Variants in PIP5K1B observed in about 807,000 individuals in gnomAD.
PIP5K1B encodes phosphatidylinositol 4-phosphate 5-kinase type-1 beta.
A neutral mutation model predicts 67.0 loss-of-function variants in PIP5K1B; 42 were observed. The observed-to-expected ratio is 0.63, with a 90% CI of 0.49 to 0.81. PIP5K1B has a LOEUF of 0.81. PIP5K1B is among the 30% of genes least tolerant of loss of function. PIP5K1B has a pLI of 0.00. For missense variants in PIP5K1B, 459 were observed against 646.3 expected, an observed-to-expected ratio of 0.71 and a Z score of 3.14; for synonymous variants, 214 against 231.4, an observed-to-expected ratio of 0.92 and a Z score of 0.68.
chr9:68,997,936 T>C (rs1326370382), intron 15 of PIP5K1B, among the ~76,000 whole-genome samples: 1 of 152,134 alleles, frequency 6.6e-6, no homozygotes, highest in Non-Finnish European at 1.5e-5. Flanking sequence ...GAGTTAGCAA[T>C]TGAATGACAG....
At chr9:68,727,969 A>G (rs1168574878) in intron 1 of PIP5K1B, among the ~76,000 whole-genome samples, 1 of 152,338 alleles carries the variant, frequency 6.6e-6, no homozygotes, top group Non-Finnish European at 1.5e-5. Flanking sequence ...AGCTCTAGGT[A>G]CTAGGACTAT....
At chr9:68,915,527 C>T (rs1455074209) in intron 8 of PIP5K1B, among the ~76,000 whole-genome samples, 1 of 152,118 alleles carries the variant, frequency 6.6e-6, no homozygotes. Flanking sequence ...TGCAGTGAGG[C>T]ACTGATAACA....
chr9:68,727,371 G>A (rs1211825397), intron 1 of PIP5K1B, among the ~76,000 whole-genome samples: 23 of 152,182 alleles, frequency 1.5e-4, no homozygotes, highest in Middle Eastern at 3.4e-3. Flanking sequence ...TTGCACATAC[G>A]TTTCCCTGAA....
At chr9:68,780,810 A>G in intron 2 of PIP5K1B, 1 of 1,614,232 alleles carries the variant, frequency 6.2e-7, no homozygotes, top group Non-Finnish European at 8.5e-7. Context: ...TCAGCCAAAG[A>G]GATTTTTCCA....
chr9:68,842,064 G>A (rs919749289), intron 4 of PIP5K1B, among the ~76,000 whole-genome samples: 1 of 152,216 alleles, frequency 6.6e-6, no homozygotes, highest in African/African-American at 2.4e-5. Context: ...TGGACTCACT[G>A]GGGTGACACC....
chr9:68,854,062 CT>C (rs1822639139), intron 4 of PIP5K1B, among the ~76,000 whole-genome samples: 2 of 149,370 alleles, frequency 1.3e-5, no homozygotes, highest in South Asian at 4.2e-4. Context: ...TTAAGCTGGA[CT>C]GTACATACCA....
intron 15 of PIP5K1B, among the ~76,000 whole-genome samples, chr9:68,991,669 A>G (rs1404761122): frequency 1.3e-5 from 2 of 152,184 alleles, no homozygotes; most frequent in Non-Finnish European, 2.9e-5. Context: ...ACCCAAATTC[A>G]GTGCTGGAGA....
chr9:68,846,523 T>G (rs1822200181), intron 4 of PIP5K1B, among the ~76,000 whole-genome samples: 1 of 152,198 alleles, frequency 6.6e-6, no homozygotes, highest in South Asian at 2.1e-4. Context: ...AAGGAGTGTT[T>G]AGGGCTGGCA....
chr9:68,738,636 G>T (rs2039426), intron 1 of PIP5K1B, among the ~76,000 whole-genome samples: 1 of 152,090 alleles, frequency 6.6e-6, no homozygotes, highest in East Asian at 1.9e-4. Context: ...CATGTGATAT[G>T]AGGCAGTACA....
intron 3 of PIP5K1B, chr9:68,822,271 T>G (rs995902121): frequency 1.7e-5 from 3 of 172,842 alleles, no homozygotes; most frequent in African/African-American, 7.2e-5. Flanking sequence ...CAGTGAGCCA[T>G]GATCACACCA....
At chr9:68,843,076 G>A (rs1473299202) in intron 4 of PIP5K1B, 1 of 152,122 alleles carries the variant, frequency 6.6e-6, no homozygotes, top group African/African-American at 2.4e-5. Flanking sequence ...TTTATGTATT[G>A]TTTTTCTTTG....
intron 1 of PIP5K1B, among the ~76,000 whole-genome samples, chr9:68,718,443 C>T (rs557913456): frequency 6.6e-6 from 1 of 152,294 alleles, no homozygotes; most frequent in East Asian, 1.9e-4. Flanking sequence ...AATAATTTGA[C>T]GGTGTAGTTT....
At chr9:68,827,207 T>A (rs1184417373) in intron 4 of PIP5K1B, among the ~76,000 whole-genome samples, 1 of 152,170 alleles carries the variant, frequency 6.6e-6, no homozygotes, top group Non-Finnish European at 1.5e-5. Context: ...AGTGGTGGTG[T>A]CTGGGGAAAG....
intron 12 of PIP5K1B, among the ~76,000 whole-genome samples, chr9:68,930,275 C>T (rs2132582138): frequency 6.6e-6 from 1 of 152,246 alleles, no homozygotes; most frequent in African/African-American, 2.4e-5. Context: ...AGCAATTCCC[C>T]TTGCCTGTCC....
chr9:68,868,582 A>G (rs576510717), intron 5 of PIP5K1B, among the ~76,000 whole-genome samples: 1 of 152,260 alleles, frequency 6.6e-6, no homozygotes, highest in African/African-American at 2.4e-5. Flanking sequence ...TGGGAATGGT[A>G]TTTCTGCTTT....
intron 2 of PIP5K1B, among the ~76,000 whole-genome samples, chr9:68,771,679 T>C (rs143004646): frequency 6.6e-6 from 1 of 152,336 alleles, no homozygotes; most frequent in East Asian, 1.9e-4. Flanking sequence ...CATCATGTGA[T>C]AATGATAATG....
At chr9:68,942,461 AGTG>A (rs565129924) in intron 14 of PIP5K1B, among the ~76,000 whole-genome samples, 17 of 151,644 alleles carry the variant, frequency 1.1e-4, no homozygotes, top group South Asian at 4.2e-4. Flanking sequence ...TTTTGGTAGC[AGTG>A]GTGGTGGTGG....
intron 14 of PIP5K1B, among the ~76,000 whole-genome samples, chr9:68,983,787 C>T (rs540718494): frequency 2.0e-4 from 30 of 152,294 alleles, no homozygotes; most frequent in African/African-American, 5.5e-4. Flanking sequence ...TGCAGCACAT[C>T]GGCAGGCAGC....
intron 2 of PIP5K1B, among the ~76,000 whole-genome samples, chr9:68,761,930 G>A (rs891592221): frequency 2.0e-5 from 3 of 152,174 alleles, no homozygotes; most frequent in South Asian, 2.1e-4. Context: ...TCTGCCTATC[G>A]CATTGCCATC....
Sources: allele counts gnomAD v4.1 joint callset (sites outside exome capture counted in the v4.1 genomes callset), GRCh38; gene constraint gnomAD v4.1.1; transcripts MANE v1.5; gene names NCBI Gene and HGNC (gene_info 2026-07-23, HGNC 2026-07-21).